PRKACB: variants seen among roughly 807,000 people sequenced by gnomAD.
PRKACB encodes the protein protein kinase cAMP-activated catalytic subunit beta.
A neutral mutation model predicts 51.4 loss-of-function variants in PRKACB; 16 were observed. That is an observed-to-expected ratio of 0.31 (90% CI 0.21 to 0.47). The LOEUF (loss-of-function observed/expected upper bound fraction) is 0.47. Among genes scored for constraint, PRKACB ranks in the 20% least tolerant of loss-of-function variants. PRKACB has a pLI of 1.00. For synonymous variants in PRKACB, 147 were observed against 154.4 expected, an observed-to-expected ratio of 0.95 and a Z score of 0.35; for missense variants, 309 against 464.5, an observed-to-expected ratio of 0.67 and a Z score of 3.08.
At chr1:84,078,500 G>C in intron 1 of PRKACB, 17 of 1,066,054 alleles carry the variant, frequency 1.6e-5, no homozygotes, top group Non-Finnish European at 1.9e-5. Flanking sequence ...GAGTCGTTCT[G>C]GGGGGCCGGG....
At chr1:84,131,437 ACT>A (rs1652199202) in intron 1 of PRKACB, among the ~76,000 whole-genome samples, 1 of 152,104 alleles carries the variant, frequency 6.6e-6, no homozygotes, top group African/African-American at 2.4e-5. Context: ...GAAAAAAGCA[ACT>A]CTGCAAATTT....
At chr1:84,191,921 C>A (rs2101113687) in intron 5 of PRKACB, among the ~76,000 whole-genome samples, 1 of 152,112 alleles carries the variant, frequency 6.6e-6, no homozygotes, top group East Asian at 1.9e-4. Flanking sequence ...TATATAAGCA[C>A]CCATTTATCC....
chr1:84,144,852 A>G (rs1334748025), intron 1 of PRKACB, among the ~76,000 whole-genome samples: 3 of 152,130 alleles, frequency 2.0e-5, no homozygotes, highest in African/African-American at 4.8e-5. Flanking sequence ...AAAATGAAAT[A>G]CTTAAGTTTC....
At chr1:84,085,867 G>A in intron 1 of PRKACB, 1 of 574,182 alleles carries the variant, frequency 1.7e-6, no homozygotes, top group South Asian at 2.5e-5. Flanking sequence ...TGGTGGCCTG[G>A]CTGTAACACC....
chr1:84,117,887 T>C (rs905651617), intron 1 of PRKACB, among the ~76,000 whole-genome samples: 1 of 152,230 alleles, frequency 6.6e-6, no homozygotes, highest in Non-Finnish European at 1.5e-5. Flanking sequence ...TATGTTAATT[T>C]GTAATCTTTC....
intron 9 of PRKACB, among the ~76,000 whole-genome samples, chr1:84,230,648 A>G (rs369366796): frequency 6.6e-6 from 1 of 150,486 alleles, no homozygotes; most frequent in Non-Finnish European, 1.5e-5. Context: ...GGTCCTTCAC[A>G]TCCCTTGTAA....
chr1:84,144,459 A>G lies in PRKACB; in HGVS notation c.98A>G (p.His33Arg). 6.2e-7 allele frequency: 1 copy of G among 1,612,908 alleles called. No individual in the cohort carries two copies. The highest frequency in any genetic ancestry group is 8.5e-7 in the Non-Finnish European group (1 of 1,179,538). The change falls in exon 1 of 10, where the codon CAC (histidine) becomes CGC (arginine). Residue 33 changes from histidine (H) to arginine (R), a missense_variant. Around this residue, in one of 3 missense-constraint regions of PRKACB, gnomAD observed 153 missense variants for 190.2 expected, o/e 0.80. Coordinates refer to ENST00000370685, the MANE Select transcript of PRKACB (RefSeq NM_182948.4). ...TTTGCTAGCCGGTTATTTCATAGAC[A>G]CTCTAAAGGTACTGCACATGATCAG... The part of the protein sequence containing the change: ...EGFASRLFHR[H>R]SKGTAHDQKT...
intron 1 of PRKACB, among the ~76,000 whole-genome samples, chr1:84,097,999 T>A (rs1000030582): frequency 6.6e-6 from 1 of 152,034 alleles, no homozygotes; most frequent in Non-Finnish European, 1.5e-5. Flanking sequence ...CATCCCTTAG[T>A]CTAGTCAAGT....
chr1:84,104,052 G>A (rs1293492947), intron 1 of PRKACB, among the ~76,000 whole-genome samples: 1 of 152,136 alleles, frequency 6.6e-6, no homozygotes, highest in African/African-American at 2.4e-5. Context: ...GTGCTATGGA[G>A]CACTAGACCT....
chr1:84,143,222 T>C (rs1032462343), upstream of PRKACB, among the ~76,000 whole-genome samples: 1 of 152,070 alleles, frequency 6.6e-6, no homozygotes, highest in Non-Finnish European at 1.5e-5. Context: ...AAGGCGGGCG[T>C]ATCGCTTGAG....
At chr1:84,182,684 T>C (rs1209942452) in intron 3 of PRKACB, among the ~76,000 whole-genome samples, 1 of 151,994 alleles carries the variant, frequency 6.6e-6, no homozygotes, top group Non-Finnish European at 1.5e-5. Context: ...ATATCAGGTA[T>C]TATAAGTAAT....
chr1:84,158,054 G>C (rs2100680860), intron 1 of PRKACB, among the ~76,000 whole-genome samples: 1 of 150,256 alleles, frequency 6.7e-6, no homozygotes, highest in East Asian at 2.0e-4. Flanking sequence ...TCAATGCTTG[G>C]TATCATCAGT....
intron 9 of PRKACB, among the ~76,000 whole-genome samples, chr1:84,232,326 G>T (rs918310978): frequency 8.5e-5 from 13 of 152,092 alleles, no homozygotes; most frequent in Non-Finnish European, 1.6e-4. Flanking sequence ...TTGCTGAGGA[G>T]AGCTTTACTT....
intron 1 of PRKACB, among the ~76,000 whole-genome samples, chr1:84,107,743 A>G (rs1159748633): frequency 2.0e-5 from 3 of 152,122 alleles, no homozygotes; most frequent in Non-Finnish European, 2.9e-5. Context: ...AAAATGCTCA[A>G]TATGACTAAT....
Position 84,214,291 on chromosome 1 carries a change from G to A in PRKACB, c.1045G>A (p.Asp349Asn). ...IKTHKWFATT[D>N]WIAIYQRKVE... ...AACTCACAAGTGGTTTGCCACGACA[G>A]ATTGGATTGCTATTTACCAGAGGAA... The change falls in exon 9 of 10, where the codon GAT becomes AAT. Residue 349 changes from aspartate to asparagine, a missense_variant. Around this residue, in one of 3 missense-constraint regions of PRKACB, gnomAD observed 96 missense variants for 129.9 expected, o/e 0.74. Coordinates refer to ENST00000370685, the MANE Select transcript of PRKACB (RefSeq NM_182948.4). 6.2e-7 allele frequency: 1 copy of A among 1,605,704 alleles called. No homozygotes were observed. The highest frequency in any genetic ancestry group is 8.5e-7 in the Non-Finnish European group (1 of 1,176,898).
In PRKACB at chr1:84,202,668, GTTGGT is replaced by G. The variant is rs1670480141; in HGVS notation, c.784-12_784-8del. On this transcript the variant is annotated splice_polypyrimidine_tract_variant and intron_variant, in intron 7 of 9. Transcript: ENST00000370685. ...AACTTAAGTAACAATTGACATTGGT[GTTGGT>G]TTATCTCAGGGCTACAATAAGGCAG... 1 of 1,584,070 alleles carries G rather than the reference GTTGGT, an allele frequency of 6.3e-7. No individual in the cohort carries two copies. The highest frequency in any genetic ancestry group is 1.4e-5 in the African/African-American group (1 of 73,812).
intron 1 of PRKACB, among the ~76,000 whole-genome samples, chr1:84,107,197 A>G (rs571878841): frequency 9.9e-5 from 15 of 152,146 alleles, no homozygotes; most frequent in African/African-American, 3.4e-4. Context: ...GTTTTAACCA[A>G]CTGATGTTTG....
At chr1:84,234,371 G>C (rs1676333561) in intron 9 of PRKACB, among the ~76,000 whole-genome samples, 1 of 152,206 alleles carries the variant, frequency 6.6e-6, no homozygotes, top group Non-Finnish European at 1.5e-5. Context: ...CTTTTTGTTT[G>C]TCTGTGCCCT....
intron 9 of PRKACB, among the ~76,000 whole-genome samples, chr1:84,218,525 A>G (rs1022005533): frequency 6.6e-6 from 1 of 152,144 alleles, no homozygotes; most frequent in Admixed American, 6.5e-5. Context: ...GTATTCCTAT[A>G]TATATTACAT....
Sources: gnomAD v4.1 joint callset for allele counts (sites outside exome capture counted in the v4.1 genomes callset) on GRCh38, gnomAD v4.1.1 for gene constraint, gnomAD v4.1.1 regional missense constraint, MANE v1.5 for transcripts, NCBI Gene and HGNC (gene_info 2026-07-23, HGNC 2026-07-21) for gene names.